NUP93: variants seen among roughly 807,000 people sequenced by gnomAD.
NUP93 encodes nuclear pore complex protein Nup93.
In NUP93, 55 loss-of-function variants were observed where a neutral mutation model predicts 107.8. The ratio of observed to expected loss-of-function variants is 0.51; its 90% CI spans 0.41 to 0.64. The LOEUF is 0.64. NUP93 is among the 30% of genes least tolerant of loss of function. The pLI is 0.00. For missense variants in NUP93, 937 were observed against 1,044.7 expected, an observed-to-expected ratio of 0.90 and a Z score of 1.42; for synonymous variants, 390 against 397.5, an observed-to-expected ratio of 0.98 and a Z score of 0.22.
intron 3 of NUP93, among the ~76,000 whole-genome samples, chr16:56,770,200 A>G (rs558370471): frequency 7.2e-5 from 11 of 152,324 alleles, no homozygotes; most frequent in African/African-American, 2.6e-4. Flanking sequence ...TGAGTATGCA[A>G]GAGTAGGTGA....
chr16:56,780,413 A>G (rs76477146), intron 3 of NUP93, among the ~76,000 whole-genome samples: 2 of 152,234 alleles, frequency 1.3e-5, no homozygotes, highest in Non-Finnish European at 1.5e-5. Context: ...TGCTAGTAAC[A>G]TAAGTTCTTT....
intron 1 of NUP93, among the ~76,000 whole-genome samples, 168 bp downstream of exon 1, chr16:56,730,379 G>C (rs1347456360): frequency 6.6e-6 from 1 of 152,142 alleles, no homozygotes; most frequent in Non-Finnish European, 1.5e-5. Flanking sequence ...ACGCCTTGTC[G>C]AGCCGCCCCC....
chr16:56,774,847 CAT>C (rs1962383460), intron 3 of NUP93, among the ~76,000 whole-genome samples: 1 of 151,740 alleles, frequency 6.6e-6, no homozygotes, highest in African/African-American at 2.4e-5. Context: ...TTTTAGAAAT[CAT>C]ATGTGGGTAG....
At chr16:56,758,490 C>G in intron 2 of NUP93, 48 bp from the exon 3 acceptor site, 1 of 1,389,680 alleles carries the variant, frequency 7.2e-7, no homozygotes, top group Non-Finnish European at 1.0e-6. Context: ...TAATCCTAAT[C>G]CTAATTTTCC....
intron 1 of NUP93, among the ~76,000 whole-genome samples, chr16:56,747,234 A>G (rs1030676422): frequency 6.6e-6 from 1 of 152,212 alleles, no homozygotes; most frequent in Non-Finnish European, 1.5e-5. Flanking sequence ...TCCTGACCTC[A>G]GGCGATCTGC....
At chr16:56,797,764 C>T (rs551754459) in intron 3 of NUP93, among the ~76,000 whole-genome samples, 4 of 152,206 alleles carry the variant, frequency 2.6e-5, no homozygotes, top group East Asian at 3.9e-4. Context: ...GGAGTTTGGG[C>T]GACCTGGCTA....
chr16:56,837,845 G>T, intron 18 of NUP93, 119 bp downstream of exon 18: 1 of 694,864 alleles, frequency 1.4e-6, no homozygotes, highest in South Asian at 1.8e-5. Context: ...TTTCCAAAGT[G>T]GTTCTACTAA....
At chr16:56,769,266 A>G (rs1429405547) in intron 3 of NUP93, among the ~76,000 whole-genome samples, 1 of 152,238 alleles carries the variant, frequency 6.6e-6, no homozygotes, top group Non-Finnish European at 1.5e-5. Flanking sequence ...AGCAAAATAA[A>G]GAGTAGAAAG....
At chr16:56,786,736 G>C (rs568677601) in intron 3 of NUP93, among the ~76,000 whole-genome samples, 152 of 152,340 alleles carry the variant, frequency 1.0e-3, no homozygotes, top group Non-Finnish European at 1.1e-3. Flanking sequence ...ACGTTCATGT[G>C]CTGTAAGCTA....
At chr16:56,749,068 G>A (rs1961871962) in intron 2 of NUP93, among the ~76,000 whole-genome samples, 1 of 152,192 alleles carries the variant, frequency 6.6e-6, no homozygotes, top group African/African-American at 2.4e-5. Context: ...CACAGCATCA[G>A]TTGGGCTGTT....
intron 3 of NUP93, among the ~76,000 whole-genome samples, chr16:56,770,929 C>A (rs1250246815): frequency 6.6e-6 from 1 of 151,872 alleles, no homozygotes. Context: ...GAAAAAAACA[C>A]GTGACCCTCA....
At chr16:56,805,342 T>C (rs1963112683) in intron 4 of NUP93, 162 bp from the exon 5 acceptor site, 1 of 739,600 alleles carries the variant, frequency 1.4e-6, no homozygotes, top group South Asian at 2.1e-5. Context: ...ACCACCACGC[T>C]CAGCCAGTAA....
At chr16:56,732,042 C>T (rs948116925) in intron 1 of NUP93, among the ~76,000 whole-genome samples, 2 of 152,208 alleles carry the variant, frequency 1.3e-5, no homozygotes, top group African/African-American at 2.4e-5. Context: ...AAACGTCAGA[C>T]ATGCTTTAGC....
chr16:56,735,828 CAAA>C (rs58346838), intron 1 of NUP93, among the ~76,000 whole-genome samples: 2 of 106,930 alleles, frequency 1.9e-5, no homozygotes, highest in Non-Finnish European at 4.0e-5. Flanking sequence ...AACTCCGTCT[CAAA>C]AAAAAAAAAA....
intron 2 of NUP93, among the ~76,000 whole-genome samples, chr16:56,757,213 G>A (rs1962040353): frequency 6.6e-6 from 1 of 152,236 alleles, no homozygotes; most frequent in South Asian, 2.1e-4. Flanking sequence ...ACCTGTAGGT[G>A]TTAGGGTTAC....
chr16:56,737,619 G>T (rs1473766345), intron 1 of NUP93, among the ~76,000 whole-genome samples: 1 of 123,256 alleles, frequency 8.1e-6, no homozygotes, highest in Non-Finnish European at 1.7e-5. Flanking sequence ...GAGTCATACG[G>T]TGCTTTTTTT....
intron 1 of NUP93, among the ~76,000 whole-genome samples, chr16:56,745,722 G>T (rs904790189): frequency 1.3e-5 from 2 of 152,190 alleles, no homozygotes; most frequent in African/African-American, 4.8e-5. Context: ...AGGCCAAGGG[G>T]CAGGTTTTGT....
intron 3 of NUP93, among the ~76,000 whole-genome samples, chr16:56,791,581 T>C (rs974928273): frequency 1.3e-5 from 2 of 152,258 alleles, no homozygotes; most frequent in African/African-American, 2.4e-5. Flanking sequence ...AGCTGCCATC[T>C]GTATTCTGAA....
chr16:56,822,495 A>G (rs1412213735), intron 7 of NUP93, among the ~76,000 whole-genome samples: 1 of 151,360 alleles, frequency 6.6e-6, no homozygotes, highest in African/African-American at 2.4e-5. Context: ...CCTGGGTGAC[A>G]AAGAGTGAGG....
Sources: allele counts gnomAD v4.1 joint callset (sites outside exome capture counted in the v4.1 genomes callset), GRCh38; gene constraint gnomAD v4.1.1; transcripts MANE v1.5; gene names NCBI Gene and HGNC (gene_info 2026-07-23, HGNC 2026-07-21).